The following IQGAP2 variants were observed in gnomAD, a reference collection of about 807,000 sequenced individuals.
The protein encoded by IQGAP2 is ras GTPase-activating-like protein IQGAP2.
A neutral mutation model predicts 201.3 loss-of-function variants in IQGAP2; 173 were observed. That is an observed-to-expected ratio of 0.86 (90% CI 0.76 to 0.98). The LOEUF (loss-of-function observed/expected upper bound fraction) is 0.98. IQGAP2 is among the 50% of genes least tolerant of loss of function. The probability of loss-of-function intolerance (pLI) is 0.00; values close to 1 mark genes in which losing one functional copy is unlikely to be tolerated. For synonymous variants in IQGAP2, 675 were observed against 673.9 expected, an observed-to-expected ratio of 1.00 and a Z score of -0.03; for missense variants, 1,687 against 1,864.8, an observed-to-expected ratio of 0.90 and a Z score of 1.76.
chr5:76,443,594 A>C (rs1352524388), intron 1 of IQGAP2, among the ~76,000 whole-genome samples: 1 of 151,854 alleles, frequency 6.6e-6, no homozygotes, highest in Non-Finnish European at 1.5e-5. Flanking sequence ...GCAGGTTTCC[A>C]GCTCTCTGAG....
At chr5:76,466,446 C>T (rs1240903855) in intron 2 of IQGAP2, among the ~76,000 whole-genome samples, 2 of 152,166 alleles carry the variant, frequency 1.3e-5, no homozygotes, top group East Asian at 1.9e-4. Context: ...AATTTCAAAA[C>T]GTACTTACAA....
chr5:76,469,899 A>G (rs1453217848), intron 2 of IQGAP2, among the ~76,000 whole-genome samples: 2 of 152,216 alleles, frequency 1.3e-5, no homozygotes, highest in Admixed American at 1.3e-4. Context: ...CTATGACTAT[A>G]TAACAAGTTA....
chr5:76,671,624 GT>G (rs1329326623), intron 23 of IQGAP2, 134 bp from the exon 24 acceptor site: 12 of 610,334 alleles, frequency 2.0e-5, no homozygotes, highest in Non-Finnish European at 2.6e-5. Flanking sequence ...GGAGGTGGAG[GT>G]TGCAGTGAAC....
intron 1 of IQGAP2, among the ~76,000 whole-genome samples, chr5:76,460,705 A>C (rs1480343833): frequency 6.6e-6 from 1 of 152,080 alleles, no homozygotes; most frequent in East Asian, 1.9e-4. Flanking sequence ...TTTTTGACAC[A>C]TGTCAATCTT....
At chr5:76,580,959 A>G (rs1010111870) in intron 5 of IQGAP2, among the ~76,000 whole-genome samples, 24 of 152,348 alleles carry the variant, frequency 1.6e-4, no homozygotes, top group Middle Eastern at 6.8e-3. Context: ...ATTCTTCTAC[A>G]TGGGCAGCCA....
At chr5:76,590,382 T>G in intron 7 of IQGAP2, 26 bp from the exon 8 acceptor site, 1 of 1,556,684 alleles carries the variant, frequency 6.4e-7, no homozygotes, top group Non-Finnish European at 8.7e-7. Context: ...TAAAAACCTT[T>G]TTCTCTCTCT....
chr5:76,404,897 G>A (rs900365563), intron 1 of IQGAP2, among the ~76,000 whole-genome samples: 1 of 149,828 alleles, frequency 6.7e-6, no homozygotes, highest in African/African-American at 2.4e-5. Flanking sequence ...GTGGGACCCA[G>A]CTTTTTGCCT....
rs114265081 is a variant in IQGAP2, at chr5:76,528,729, C to T, written c.147-33667C>T. Among the ~76,000 whole-genome samples the T allele has an allele frequency of 5.1e-3, 771 of 152,224 alleles. 6 individuals carry two copies. The highest frequency in any genetic ancestry group is 0.017 in the African/African-American group (726 of 41,516). ...AGGCGACTCTAGGGTCATTCGTGGC[C>T]AATATGATTCATTTGCACCAGCTCT... On this transcript the variant is annotated intron_variant, in intron 2 of 35. Coordinates refer to ENST00000274364, the MANE Select transcript of IQGAP2 (RefSeq NM_006633.5).
At chr5:76,427,440 TC>T (rs1752073409) in intron 1 of IQGAP2, among the ~76,000 whole-genome samples, 1 of 152,046 alleles carries the variant, frequency 6.6e-6, no homozygotes, top group African/African-American at 2.4e-5. Context: ...AGCTGAGCTC[TC>T]CCCCCTCCCC....
intron 23 of IQGAP2, among the ~76,000 whole-genome samples, chr5:76,669,683 G>A (rs1196352282): frequency 2.0e-5 from 3 of 152,154 alleles, no homozygotes; most frequent in Non-Finnish European, 4.4e-5. Context: ...AACAGCATGG[G>A]CATAGGTCCC....
chr5:76,623,080 G>A, intron 13 of IQGAP2: 1 of 1,216,768 alleles, frequency 8.2e-7, no homozygotes, highest in Non-Finnish European at 1.2e-6. Flanking sequence ...CAGTTTGTGT[G>A]AGATGCAAAG....
intron 5 of IQGAP2, among the ~76,000 whole-genome samples, chr5:76,581,960 A>G (rs1745902802): frequency 6.6e-6 from 1 of 152,262 alleles, no homozygotes; most frequent in Non-Finnish European, 1.5e-5. Flanking sequence ...TTTATTTAAC[A>G]AAGAATAGTA....
intron 24 of IQGAP2, among the ~76,000 whole-genome samples, chr5:76,672,996 G>A (rs1371757773): frequency 2.0e-5 from 3 of 151,560 alleles, no homozygotes; most frequent in African/African-American, 7.3e-5. Context: ...CATGGCACAT[G>A]TATACATATG....
chr5:76,553,651 T>C (rs1424621413), intron 2 of IQGAP2, among the ~76,000 whole-genome samples: 6 of 152,346 alleles, frequency 3.9e-5, no homozygotes, highest in African/African-American at 1.4e-4. Context: ...TTTTTCTTCT[T>C]GCCCTAAAAT....
chr5:76,522,020 G>A (rs949497918), intron 2 of IQGAP2, among the ~76,000 whole-genome samples: 1 of 151,874 alleles, frequency 6.6e-6, no homozygotes, highest in Non-Finnish European at 1.5e-5. Context: ...ATTCTTACAA[G>A]TAATGAGATG....
chr5:76,578,677 T>C (rs1173116761), intron 5 of IQGAP2, among the ~76,000 whole-genome samples: 1 of 152,132 alleles, frequency 6.6e-6, no homozygotes, highest in Admixed American at 6.5e-5. Context: ...TGTATGCTCA[T>C]TGTGGAAAAA....
intron 1 of IQGAP2, among the ~76,000 whole-genome samples, chr5:76,428,163 C>T (rs1388078530): frequency 6.6e-6 from 1 of 152,220 alleles, no homozygotes; most frequent in African/African-American, 2.4e-5. Flanking sequence ...GAGCGCCAGC[C>T]CCTCAGAAGG....
At chr5:76,534,501 A>G (rs1220467137) in intron 2 of IQGAP2, among the ~76,000 whole-genome samples, 1 of 152,254 alleles carries the variant, frequency 6.6e-6, no homozygotes, top group Non-Finnish European at 1.5e-5. Context: ...GGTTCTACAT[A>G]ATTACGTTCT....
chr5:76,423,387 C>G (rs550916505), intron 1 of IQGAP2, among the ~76,000 whole-genome samples: 16 of 152,206 alleles, frequency 1.1e-4, no homozygotes, highest in Admixed American at 9.8e-4. Flanking sequence ...CTTTGGCAGG[C>G]CTAGGCGGGT....
Sources: allele counts gnomAD v4.1 joint callset (sites outside exome capture counted in the v4.1 genomes callset), GRCh38; gene constraint gnomAD v4.1.1; transcripts MANE v1.5; gene names NCBI Gene and HGNC (gene_info 2026-07-23, HGNC 2026-07-21).